Variants in MSN observed in about 807,000 individuals in gnomAD.
The protein encoded by MSN is moesin.
MSN carries 2 observed loss-of-function variants against 48.0 expected under a neutral mutation model. The observed-to-expected ratio is 0.04, with a 90% CI of 0.02 to 0.13. The LOEUF (loss-of-function observed/expected upper bound fraction) is 0.13. Among genes scored for constraint, MSN ranks in the 10% least tolerant of loss-of-function variants. The pLI is 1.00. For missense variants in MSN, 267 were observed against 470.1 expected, an observed-to-expected ratio of 0.57 and a Z score of 3.99; for synonymous variants, 146 against 166.9, an observed-to-expected ratio of 0.87 and a Z score of 0.97.
At chrX:65,662,786 G>A (rs994280617), upstream of MSN, among the ~76,000 whole-genome samples, 1 of 112,276 alleles carries the variant, frequency 8.9e-6, no homozygotes, top group Non-Finnish European at 1.9e-5. Flanking sequence ...ATTGGCAAGT[G>A]AGACCTAATT....
intron 7 of MSN, among the ~76,000 whole-genome samples, chrX:65,733,892 G>A (rs138569434): frequency 0.011 from 1,206 of 111,533 alleles, 27 homozygotes; most frequent in African/African-American, 0.037. Flanking sequence ...GACCTCAGGT[G>A]ATTTGCCTGC....
At chrX:65,658,614 C>T (rs1330951200) in intron 1 of MSN, among the ~76,000 whole-genome samples, 1 of 111,311 alleles carries the variant, frequency 9.0e-6, no homozygotes, top group African/African-American at 3.3e-5. Context: ...TTGCTGTTCT[C>T]CAACCAGTTT....
intron 1 of MSN, among the ~76,000 whole-genome samples, chrX:65,710,872 G>A (rs1047786724): frequency 1.1e-5 from 1 of 91,731 alleles, no homozygotes; most frequent in Admixed American, 1.1e-4. Flanking sequence ...CACCATGCCT[G>A]GCTAATTTTT....
intron 2 of MSN, among the ~76,000 whole-genome samples, chrX:65,720,489 G>C (rs1210803892): frequency 8.9e-6 from 1 of 112,298 alleles, no homozygotes; most frequent in Non-Finnish European, 1.9e-5. Flanking sequence ...TTGAGCATTT[G>C]GCCCTCTTGA....
intron 1 of MSN, among the ~76,000 whole-genome samples, chrX:65,670,284 C>G (rs2070918101): frequency 8.9e-6 from 1 of 112,094 alleles, no homozygotes; most frequent in Non-Finnish European, 1.9e-5. Flanking sequence ...GTGCTTTAGG[C>G]TATTTCTAGC....
chrX:65,672,349 C>T (rs2070950468), intron 1 of MSN, among the ~76,000 whole-genome samples: 1 of 112,324 alleles, frequency 8.9e-6, no homozygotes. Context: ...TCTTTCCCTG[C>T]CACCTGCTCT....
chrX:65,662,830 A>G (rs757687193), upstream of MSN, among the ~76,000 whole-genome samples: 4 of 112,760 alleles, frequency 3.5e-5, no homozygotes, highest in Non-Finnish European at 5.6e-5. Flanking sequence ...AAAAGAAACT[A>G]TCAACAGAGT....
chrX:65,662,367 T>C (rs947867131), intron 1 of MSN, among the ~76,000 whole-genome samples: 1 of 112,106 alleles, frequency 8.9e-6, no homozygotes. Flanking sequence ...GGCATCACAC[T>C]ACACAACATC....
intron 1 of MSN, among the ~76,000 whole-genome samples, chrX:65,628,927 G>A (rs961628757): frequency 9.2e-5 from 10 of 109,278 alleles, no homozygotes; most frequent in East Asian, 2.9e-4. Flanking sequence ...TTAGCCAGGC[G>A]TGATGGCGGG....
chrX:65,729,764 A>C, intron 4 of MSN, 52 bp downstream of exon 4: 1 of 1,144,056 alleles, frequency 8.7e-7, no homozygotes, highest in East Asian at 3.1e-5. Flanking sequence ...GCTGCAGCCC[A>C]CAGCTGACCA....
intron 1 of MSN, among the ~76,000 whole-genome samples, chrX:65,697,363 C>T (rs1421582602): frequency 9.0e-6 from 1 of 111,718 alleles, no homozygotes; most frequent in Admixed American, 9.5e-5. Context: ...GAGGCTCTCC[C>T]TGAATATTCA....
At chrX:65,637,833 C>T (rs2070617829) in intron 1 of MSN, among the ~76,000 whole-genome samples, 1 of 111,483 alleles carries the variant, frequency 9.0e-6, no homozygotes, top group East Asian at 2.8e-4. Flanking sequence ...TCTATTGAAT[C>T]GTTACCTTTC....
At chrX:65,629,471 C>A (rs1025761858) in intron 1 of MSN, among the ~76,000 whole-genome samples, 2 of 112,021 alleles carry the variant, frequency 1.8e-5, no homozygotes, top group African/African-American at 6.5e-5. Context: ...TTTTGGGTAT[C>A]TTTTCAGTAG....
chrX:65,603,258 C>A (rs2070252634), intron 1 of MSN, among the ~76,000 whole-genome samples: 1 of 112,072 alleles, frequency 8.9e-6, no homozygotes, highest in African/African-American at 3.2e-5. Flanking sequence ...CACGCCACTG[C>A]ACTTCAGCCT....
chrX:65,718,876 G>A (rs1403662489), intron 2 of MSN, among the ~76,000 whole-genome samples: 1 of 109,636 alleles, frequency 9.1e-6, no homozygotes, highest in Non-Finnish European at 1.9e-5. Context: ...TTGGGAGATG[G>A]GCTTAATGAT....
At chrX:65,701,995 G>A (rs188487443) in intron 1 of MSN, among the ~76,000 whole-genome samples, 1,303 of 106,530 alleles carry the variant, frequency 0.012, 17 homozygotes, top group African/African-American at 0.042. Context: ...GATGTGGACC[G>A]TATTCAATTG....
intron 1 of MSN, among the ~76,000 whole-genome samples, chrX:65,636,776 C>CAAAAAAAAAAAAAAA (rs2070604946): frequency 2.4e-5 from 2 of 82,891 alleles, no homozygotes; most frequent in African/African-American, 1.2e-4. Flanking sequence ...AAAAAAAAAC[C>CAAAAAAAAAAAAAAA]AGAAAGAAAG....
At chrX:65,704,996 C>T (rs935580393) in intron 1 of MSN, among the ~76,000 whole-genome samples, 11 of 110,602 alleles carry the variant, frequency 9.9e-5, no homozygotes, top group Non-Finnish European at 5.7e-5. Context: ...GTCTCGAACT[C>T]CTGACCTCAG....
At chrX:65,599,146 T>A (rs1164637102) in intron 1 of MSN, among the ~76,000 whole-genome samples, 5 of 104,803 alleles carry the variant, frequency 4.8e-5, no homozygotes, top group East Asian at 3.0e-4. Context: ...AAAAAAAAAA[T>A]TAACTGGGGA....
Sources: allele counts gnomAD v4.1 joint callset (sites outside exome capture counted in the v4.1 genomes callset), GRCh38; gene constraint gnomAD v4.1.1; transcripts MANE v1.5; gene names NCBI Gene and HGNC (gene_info 2026-07-23, HGNC 2026-07-21).